The following KIAA1217 variants were observed in gnomAD, a reference collection of about 807,000 sequenced individuals.
KIAA1217 encodes the protein KIAA1217.
KIAA1217 carries 88 observed loss-of-function variants against 163.9 expected under a neutral mutation model. That is an observed-to-expected ratio of 0.54 (90% CI 0.45 to 0.64). KIAA1217 has a LOEUF of 0.64. Ranked by LOEUF, KIAA1217 falls within the 30% of genes least tolerant of loss-of-function variation. The probability of loss-of-function intolerance (pLI) is 0.00; values close to 1 mark genes in which losing one functional copy is unlikely to be tolerated. For synonymous variants in KIAA1217, 903 were observed against 923.1 expected (o/e 0.98, Z 0.39); for missense variants, 2,372 against 2,475.0 (o/e 0.96, Z 0.88).
Position 23,790,369 on chromosome 10 carries a change from AT to A in KIAA1217, c.-321+95136del, listed in dbSNP as rs1281952490. On this transcript the variant is annotated intron_variant, in intron 1 of 18. Coordinates refer to the KIAA1217 transcript ENST00000376462. ...CATATGCATATATGCATATATACAT[AT>A]ACATATGTATATATACATATGTATA... Among the ~76,000 whole-genome samples the A allele has an allele frequency of 3.9e-5, 4 of 102,982 alleles. 1 individual carries two copies. The highest frequency in any genetic ancestry group is 7.6e-5 in the Non-Finnish European group (4 of 52,890). The allele number at this position is 102,982 out of a possible 152,430, so 67.6% of individuals were successfully genotyped here.
At chr10:24,186,833 T>C (rs2066455319) in intron 2 of KIAA1217, among the ~76,000 whole-genome samples, 1 of 152,148 alleles carries the variant, frequency 6.6e-6, no homozygotes, top group Admixed American at 6.5e-5. Context: ...GAGGCTGCAG[T>C]GGGCCAAGAC....
intron 2 of KIAA1217, among the ~76,000 whole-genome samples, chr10:24,277,452 A>G (rs2077430907): frequency 1.3e-5 from 2 of 152,256 alleles, no homozygotes; most frequent in South Asian, 2.1e-4. Flanking sequence ...GCCACCTGCT[A>G]TGCAGATGAT....
intron 1 of KIAA1217, among the ~76,000 whole-genome samples, chr10:23,790,352 T>TATGCATATATGCATATATAC (rs1588819696): frequency 5.4e-5 from 2 of 37,084 alleles, no homozygotes; most frequent in Non-Finnish European, 1.1e-4. Flanking sequence ...TACATATGCA[T>TATGCATATATGCATATATAC]ATATGCATAT....
chr10:24,491,286 CTTTTTTTTTTT>C (rs1169407580), intron 6 of KIAA1217, among the ~76,000 whole-genome samples: 1 of 114,738 alleles, frequency 8.7e-6, no homozygotes, highest in East Asian at 2.5e-4. Flanking sequence ...TTTTTTTTTC[CTTTTTTTTTTT>C]TTTTTTTTTT....
At chr10:24,047,675 T>G (rs1849137503) in intron 2 of KIAA1217, among the ~76,000 whole-genome samples, 1 of 152,214 alleles carries the variant, frequency 6.6e-6, no homozygotes, top group Admixed American at 6.5e-5. Context: ...AGGAGTAAAC[T>G]TACATGCATC....
Position 24,447,304 on chromosome 10 carries a change from T to C in KIAA1217, c.846+8825T>C, listed in dbSNP as rs1037417525. Among the ~76,000 whole-genome samples the C allele has an allele frequency of 2.0e-5, 3 of 152,080 alleles. No individual in the cohort carries two copies. The East Asian group carries it at 5.8e-4, about 29-fold the overall frequency. On this transcript the variant is annotated intron_variant, in intron 5 of 20. Transcript: ENST00000376454. ...GTACATGTGCACAATGTGTTATATA[T>C]GTATACATGTGCCATGTTGGTGTGC...
chr10:24,517,040 G>A (rs531681704), intron 10 of KIAA1217, among the ~76,000 whole-genome samples: 6 of 151,936 alleles, frequency 3.9e-5, no homozygotes, highest in African/African-American at 1.2e-4. Flanking sequence ...AACCCTAGCC[G>A]ATCATGGTGG....
chr10:23,854,529 TC>T (rs200457005), intron 1 of KIAA1217, among the ~76,000 whole-genome samples: 2,711 of 152,326 alleles, frequency 0.018, 77 homozygotes, highest in African/African-American at 0.06. Context: ...GTCTATTAGA[TC>T]CGCTTGGTGC....
chr10:24,145,801 A>C (rs1399571070), intron 2 of KIAA1217, among the ~76,000 whole-genome samples: 3 of 152,248 alleles, frequency 2.0e-5, no homozygotes, highest in Non-Finnish European at 4.4e-5. Context: ...TGAGGGCAGG[A>C]AGCATTGAGC....
At chr10:24,403,947 A>C (rs547118126) in intron 3 of KIAA1217, among the ~76,000 whole-genome samples, 1 of 152,112 alleles carries the variant, frequency 6.6e-6, no homozygotes, top group East Asian at 1.9e-4. Flanking sequence ...GTAGTTTTGC[A>C]GTTCCTTTTA....
intron 3 of KIAA1217, among the ~76,000 whole-genome samples, chr10:24,406,419 A>ACACC (rs779034156): frequency 2.0e-5 from 3 of 151,594 alleles, no homozygotes; most frequent in Non-Finnish European, 2.9e-5. Context: ...ACACACACAC[A>ACACC]CCATACAGGA....
chr10:24,207,265 G>GTT (rs2067603499), upstream of KIAA1217, among the ~76,000 whole-genome samples: 1 of 117,062 alleles, frequency 8.5e-6, no homozygotes, highest in Non-Finnish European at 1.6e-5. Context: ...CTGCTACAGT[G>GTT]TTTCTCTCTC....
intron 9 of KIAA1217, among the ~76,000 whole-genome samples, chr10:24,504,067 G>A (rs1026845900): frequency 2.6e-5 from 4 of 152,218 alleles, no homozygotes; most frequent in Non-Finnish European, 4.4e-5. Context: ...CACCCCATCA[G>A]TGGCTGGCGT....
chr10:24,006,385 T>C (rs544068746), intron 1 of KIAA1217, among the ~76,000 whole-genome samples: 123 of 152,334 alleles, frequency 8.1e-4, no homozygotes, highest in African/African-American at 2.6e-3. Context: ...CTCAGGATCC[T>C]AAGAGGAGTT....
chr10:23,948,113 C>T (rs1160670605), intron 1 of KIAA1217, among the ~76,000 whole-genome samples: 4 of 152,070 alleles, frequency 2.6e-5, no homozygotes, highest in Non-Finnish European at 5.9e-5. Context: ...GTTTATTGCA[C>T]CAGTGGGAAC....
At chr10:24,484,539 G>A (rs1362772664) in intron 6 of KIAA1217, among the ~76,000 whole-genome samples, 2 of 151,708 alleles carry the variant, frequency 1.3e-5, no homozygotes, top group African/African-American at 2.4e-5. Flanking sequence ...GAGCCACCGT[G>A]TATGGCCTAT....
intron 9 of KIAA1217, among the ~76,000 whole-genome samples, chr10:24,512,159 G>T (rs1442214252): frequency 6.6e-6 from 1 of 152,166 alleles, no homozygotes; most frequent in Non-Finnish European, 1.5e-5. Flanking sequence ...AAAACAGAAG[G>T]CATGATGTGG....
intron 1 of KIAA1217, among the ~76,000 whole-genome samples, chr10:23,942,372 T>C (rs1016227294): frequency 1.2e-4 from 18 of 152,046 alleles, no homozygotes; most frequent in Non-Finnish European, 2.5e-4. Flanking sequence ...AAGAACCAAA[T>C]AGAAATTTTA....
At chr10:24,481,546 A>G (rs1416295577) in intron 6 of KIAA1217, 2 of 152,178 alleles carry the variant, frequency 1.3e-5, no homozygotes, top group Non-Finnish European at 2.9e-5. Flanking sequence ...GGAAGTCAGG[A>G]CACGTTTTCC....
Sources: gnomAD v4.1 joint callset for allele counts (sites outside exome capture counted in the v4.1 genomes callset) on GRCh38, gnomAD v4.1.1 for gene constraint, MANE v1.5 for transcripts, NCBI Gene and HGNC (gene_info 2026-07-23, HGNC 2026-07-21) for gene names.